Variants in PCDH9 observed in about 807,000 individuals in gnomAD.
PCDH9 encodes protocadherin-9.
Under a neutral mutation model 70.6 loss-of-function variants are expected in PCDH9, and 24 were observed. That is an observed-to-expected ratio of 0.34 (90% confidence interval 0.25 to 0.48). PCDH9 has a LOEUF of 0.48. Among genes scored for constraint, PCDH9 ranks in the 20% least tolerant of loss-of-function variants. The pLI is 0.99. For missense variants in PCDH9, 1,281 were observed against 1,503.6 expected (o/e 0.85, Z 2.45); for synonymous variants, 562 against 558.5 (o/e 1.01, Z -0.09).
At chr13:66,395,298 T>C (rs1173168985) in intron 4 of PCDH9, among the ~76,000 whole-genome samples, 1 of 152,006 alleles carries the variant, frequency 6.6e-6, no homozygotes, top group Admixed American at 6.6e-5. Context: ...TATAACAAAG[T>C]TGGAAATAAA....
intron 2 of PCDH9, among the ~76,000 whole-genome samples, chr13:66,923,627 C>T (rs2082672555): frequency 6.6e-6 from 1 of 151,476 alleles, no homozygotes; most frequent in African/African-American, 2.4e-5. Context: ...TATACAACCA[C>T]CAACGTCTTA....
At chr13:67,102,099 C>T (rs2086447419) in intron 2 of PCDH9, among the ~76,000 whole-genome samples, 1 of 152,080 alleles carries the variant, frequency 6.6e-6, no homozygotes, top group African/African-American at 2.4e-5. Context: ...AAATGTTCTT[C>T]TACATTAAAA....
intron 4 of PCDH9, among the ~76,000 whole-genome samples, chr13:66,477,416 G>A (rs913072707): frequency 5.3e-5 from 8 of 152,036 alleles, no homozygotes; most frequent in African/African-American, 1.7e-4. Flanking sequence ...TATGATTATG[G>A]TCTTTCATGT....
intron 4 of PCDH9, among the ~76,000 whole-genome samples, chr13:66,552,176 C>T (rs564919943): frequency 6.6e-6 from 1 of 152,218 alleles, no homozygotes; most frequent in Admixed American, 6.5e-5. Context: ...TATGGCAAAA[C>T]AGTGAGACTC....
intron 4 of PCDH9, among the ~76,000 whole-genome samples, chr13:66,384,854 A>G (rs1956903726): frequency 6.6e-6 from 1 of 151,982 alleles, no homozygotes; most frequent in African/African-American, 2.4e-5. Flanking sequence ...TTTTTAGTAG[A>G]GACAGGGTTT....
chr13:67,055,168 C>T (rs1285461236), intron 2 of PCDH9, among the ~76,000 whole-genome samples: 4 of 152,130 alleles, frequency 2.6e-5, no homozygotes, highest in Admixed American at 2.0e-4. Context: ...AAATATTACA[C>T]ATACTAAAAA....
chr13:66,607,045 C>T lies in PCDH9; in HGVS notation c.3340+24165G>A, dbSNP rs369397974. On this transcript the variant is annotated intron_variant, in intron 4 of 4. Transcript: ENST00000377865. ...TTCAAAATAGTCCAAAATTGACTGG[C>T]TTTCAGAGGTTCTATTAAAATACCA... Among the ~76,000 whole-genome samples, 6 of 152,128 alleles carry T rather than the reference C, an allele frequency of 3.9e-5. No individual in the cohort carries two copies. In the East Asian group the frequency reaches 9.7e-4, roughly 24 times the overall value.
intron 3 of PCDH9, among the ~76,000 whole-genome samples, chr13:66,656,129 C>CAA (rs746661684): frequency 8.3e-6 from 1 of 119,788 alleles, no homozygotes; most frequent in East Asian, 2.4e-4. Flanking sequence ...AAAGGAAAAG[C>CAA]AAAAAAAAAA....
intron 2 of PCDH9, among the ~76,000 whole-genome samples, chr13:66,974,576 C>T (rs1215475734): frequency 6.6e-6 from 1 of 152,006 alleles, no homozygotes; most frequent in Non-Finnish European, 1.5e-5. Flanking sequence ...TTTTCCCATA[C>T]TACAGTTATG....
intron 2 of PCDH9, among the ~76,000 whole-genome samples, chr13:66,952,708 C>A (rs368677854): frequency 1.1e-4 from 16 of 152,152 alleles, no homozygotes; most frequent in African/African-American, 3.4e-4. Context: ...CCACCAGGGC[C>A]CCAGCTCTGT....
intron 3 of PCDH9, among the ~76,000 whole-genome samples, chr13:66,654,703 G>T (rs566254019): frequency 1.1e-4 from 16 of 152,012 alleles, no homozygotes; most frequent in African/African-American, 3.9e-4. Flanking sequence ...GTTTGTTGTT[G>T]TCTGTTTGTT....
intron 3 of PCDH9, among the ~76,000 whole-genome samples, chr13:66,841,373 TTAAC>T (rs1469646032): frequency 1.3e-5 from 2 of 152,188 alleles, no homozygotes; most frequent in African/African-American, 2.4e-5. Flanking sequence ...TTTTTCATGT[TTAAC>T]TAAGTGAACT....
intron 3 of PCDH9, among the ~76,000 whole-genome samples, chr13:66,727,239 T>C (rs2139166036): frequency 6.6e-6 from 1 of 152,276 alleles, no homozygotes; most frequent in East Asian, 1.9e-4. Flanking sequence ...CCAGCCAGGA[T>C]GACAGAGTGA....
At chr13:67,069,036 G>T (rs7323324) in intron 2 of PCDH9, among the ~76,000 whole-genome samples, 5,722 of 152,132 alleles carry the variant, frequency 0.038, 182 homozygotes, top group South Asian at 0.11. Flanking sequence ...AAACTTCCCT[G>T]ACATTTTAAG....
In PCDH9 at chr13:66,484,806, A is replaced by G. The variant is rs937727112; in HGVS notation, c.3340+146404T>C. Among the ~76,000 whole-genome samples the G allele has an allele frequency of 4.6e-5, 7 of 152,214 alleles. No homozygotes were observed. In the East Asian group the frequency reaches 1.3e-3, roughly 29 times the overall value. On this transcript the variant is annotated intron_variant, in intron 4 of 4. Transcript: ENST00000377865. The stretch of plus-strand genomic sequence containing the variant: ...TTAACTCCTGAGACTTTGTTTCCCT[A>G]TCTGTAGAATAAAGATAATTATGTG...
At chr13:66,699,303 C>T (rs2078606174) in intron 3 of PCDH9, among the ~76,000 whole-genome samples, 2 of 152,144 alleles carry the variant, frequency 1.3e-5, no homozygotes, top group Non-Finnish European at 2.9e-5. Flanking sequence ...ACTAAACACA[C>T]TAACACCTGG....
At chr13:66,694,551 A>C (rs1425018294) in intron 3 of PCDH9, among the ~76,000 whole-genome samples, 10 of 152,186 alleles carry the variant, frequency 6.6e-5, no homozygotes, top group Non-Finnish European at 4.4e-5. Flanking sequence ...CATCATTATA[A>C]AAATTTATGA....
chr13:67,165,417 T>C lies in PCDH9; in HGVS notation c.3036+59988A>G, dbSNP rs558837120. ...TATATCATTATACACTTTACAATAA[T>C]AATAGTGAATATTTTATGGGTGCAT... On this transcript the variant is annotated intron_variant, in intron 2 of 4. Transcript: ENST00000377865. Among the ~76,000 whole-genome samples, 9 of 152,240 alleles carry C rather than the reference T, an allele frequency of 5.9e-5. No individual in the cohort carries two copies. In the East Asian group the frequency reaches 1.4e-3, roughly 23 times the overall value.
Position 66,631,206 on chromosome 13 carries a change from T to C in PCDH9, c.3340+4A>G. ...AAGCAATCAAAATTTTGAAGGGGACTCACCAGAGTTGGGATCAGAGTTGCC... is the reference window on the plus strand; with the variant it reads ...AAGCAATCAAAATTTTGAAGGGGACCCACCAGAGTTGGGATCAGAGTTGCC... On this transcript the variant is annotated splice_donor_region_variant and intron_variant, in intron 4 of 4. Coordinates refer to ENST00000377865, the MANE Select transcript of PCDH9 (RefSeq NM_203487.3). 6.6e-7 allele frequency: 1 copy of C among 1,514,250 alleles called. No homozygotes were observed. Among genetic ancestry groups the C allele is most frequent in the Non-Finnish European group, 9.2e-7 (1 of 1,088,922 alleles). 93.8% of individuals were successfully genotyped at this position (1,514,250 alleles called of 1,614,324 possible).
Sources: gnomAD v4.1 joint callset for allele counts (sites outside exome capture counted in the v4.1 genomes callset) on GRCh38, gnomAD v4.1.1 for gene constraint, MANE v1.5 for transcripts, NCBI Gene and HGNC (gene_info 2026-07-23, HGNC 2026-07-21) for gene names.